The following COPG2 variants were observed in gnomAD, a reference collection of about 807,000 sequenced individuals.
COPG2 encodes coat protein complex I subunit gamma 2.
Under a neutral mutation model 46.3 loss-of-function variants are expected in COPG2, and 37 were observed. The observed-to-expected ratio is 0.80, with a 90% CI of 0.61 to 1.05. The LOEUF is 1.05. Among genes scored for constraint, COPG2 ranks in the 50% least tolerant of loss-of-function variants. The pLI is 0.00. For synonymous variants in COPG2, 159 were observed against 129.7 expected (o/e 1.23, Z -1.53); for missense variants, 427 against 387.8 (o/e 1.10, Z -0.85).
chr7:130,647,877 C>G (rs1443097923), intron 5 of COPG2, among the ~76,000 whole-genome samples: 1 of 151,808 alleles, frequency 6.6e-6, no homozygotes, highest in Non-Finnish European at 1.5e-5. Flanking sequence ...ACTACAGATG[C>G]CTGCCACCAC....
chr7:130,546,906 T>C (rs1793452706), intron 20 of COPG2: 2 of 152,224 alleles, frequency 1.3e-5, no homozygotes, highest in South Asian at 2.1e-4. Flanking sequence ...ATAAATGTGA[T>C]GTGTGTGCTT....
intron 17 of COPG2, among the ~76,000 whole-genome samples, chr7:130,550,110 T>G (rs1793512029): frequency 6.6e-6 from 1 of 151,888 alleles, no homozygotes; most frequent in Non-Finnish European, 1.5e-5. Context: ...ATCTAAAAGA[T>G]TTAGAAGGGG....
At chr7:130,582,241 T>A (rs1291136221) in intron 9 of COPG2, among the ~76,000 whole-genome samples, 1 of 149,366 alleles carries the variant, frequency 6.7e-6, no homozygotes, top group African/African-American at 2.5e-5. Flanking sequence ...AAACAAGAAA[T>A]GGGGAAAGGA....
At chr7:130,596,222 G>C (rs1554449651) in intron 9 of COPG2, among the ~76,000 whole-genome samples, 1 of 152,174 alleles carries the variant, frequency 6.6e-6, no homozygotes, top group Non-Finnish European at 1.5e-5. Context: ...CTAAGACACT[G>C]ACCTTGGTTG....
At chr7:130,664,562 C>G (rs1292644589) in intron 3 of COPG2, among the ~76,000 whole-genome samples, 1 of 152,152 alleles carries the variant, frequency 6.6e-6, no homozygotes, top group Non-Finnish European at 1.5e-5. Flanking sequence ...CTACCAAGTT[C>G]TAGGCAAAGA....
intron 16 of COPG2, 87 bp from the exon 17 acceptor site, chr7:130,550,736 C>T: frequency 2.6e-6 from 1 of 382,824 alleles, no homozygotes; most frequent in Non-Finnish European, 4.6e-6. Flanking sequence ...TTTATCTAAG[C>T]TTTCTGAAGG....
At chr7:130,540,976 TTC>T (rs1168656881) in intron 20 of COPG2, among the ~76,000 whole-genome samples, 7 of 152,276 alleles carry the variant, frequency 4.6e-5, no homozygotes, top group African/African-American at 1.7e-4. Context: ...CAAAAGATGC[TTC>T]TGATAGGCCG....
chr7:130,562,359 C>T (rs1427883836), intron 11 of COPG2, among the ~76,000 whole-genome samples: 3 of 151,298 alleles, frequency 2.0e-5, no homozygotes, highest in Admixed American at 6.6e-5. Flanking sequence ...ACTCTGTCTC[C>T]AAAAAAAATA....
chr7:130,522,351 A>T (rs1799730913), intron 20 of COPG2, among the ~76,000 whole-genome samples: 1 of 152,228 alleles, frequency 6.6e-6, no homozygotes, highest in Non-Finnish European at 1.5e-5. Flanking sequence ...TGGGGATAAG[A>T]GGAGTGGGGA....
intron 3 of COPG2, among the ~76,000 whole-genome samples, chr7:130,663,730 C>CTTTTTTTTT (rs71178602): frequency 3.0e-4 from 20 of 67,154 alleles, no homozygotes; most frequent in Non-Finnish European, 4.2e-4. Context: ...CATTTCTTTT[C>CTTTTTTTTT]TTTTTTTTTT....
chr7:130,668,745 G>A lies in COPG2; in HGVS notation c.-77C>T. 6.8e-7 allele frequency: 1 copy of A among 1,470,462 alleles called. No homozygotes were observed. Among genetic ancestry groups the A allele is most frequent in the African/African-American group, 1.5e-5 (1 of 68,062 alleles). The allele number at this position is 1,470,462 out of a possible 1,614,324, so 91.1% of individuals were successfully genotyped here. On this transcript the variant is annotated 5_prime_UTR_variant, in exon 1 of 24. Coordinates refer to ENST00000425248, the MANE Select transcript of COPG2 (RefSeq NM_012133.6). Reference sequence around the variant, plus strand: ...AGCCGGCGAGCGGAAGAGGCTGCAGGAAGGCCGGCCCCGCGCTCTCACGCC... The same window carrying A: ...AGCCGGCGAGCGGAAGAGGCTGCAGAAAGGCCGGCCCCGCGCTCTCACGCC...
intron 20 of COPG2, among the ~76,000 whole-genome samples, chr7:130,531,908 A>C (rs1799830098): frequency 6.6e-6 from 1 of 152,076 alleles, no homozygotes. Flanking sequence ...CAATCATCTG[A>C]GGGGTAAGCA....
chr7:130,656,009 ATGTGT>A (rs1795844828), intron 4 of COPG2, among the ~76,000 whole-genome samples: 1 of 152,148 alleles, frequency 6.6e-6, no homozygotes, highest in Non-Finnish European at 1.5e-5. Flanking sequence ...ATCCTTTGAA[ATGTGT>A]TGTGTCTTGC....
chr7:130,577,767 C>CAAAAAAAAAAAAAAAA (rs782674348), intron 9 of COPG2, among the ~76,000 whole-genome samples: 7 of 78,142 alleles, frequency 9.0e-5, no homozygotes, highest in African/African-American at 1.6e-4. Context: ...GACTCCGTCT[C>CAAAAAAAAAAAAAAAA]AAAAAAAAAA....
chr7:130,638,161 AC>A (rs1421708947), intron 5 of COPG2, among the ~76,000 whole-genome samples: 2 of 151,660 alleles, frequency 1.3e-5, no homozygotes, highest in African/African-American at 4.8e-5. Flanking sequence ...GTGTCTGTTG[AC>A]CCCTGCTGGG....
chr7:130,571,699 T>C (rs1554445552), intron 9 of COPG2, among the ~76,000 whole-genome samples: 1 of 152,164 alleles, frequency 6.6e-6, no homozygotes, highest in African/African-American at 2.4e-5. Flanking sequence ...ACTGGGTATC[T>C]ACCCAGAGGA....
chr7:130,558,077 G>A (rs1793660878), intron 12 of COPG2, among the ~76,000 whole-genome samples: 1 of 151,954 alleles, frequency 6.6e-6, no homozygotes, highest in Admixed American at 6.6e-5. Context: ...AATTACTGGG[G>A]CAAAGACGGT....
intron 20 of COPG2, among the ~76,000 whole-genome samples, chr7:130,519,655 G>T (rs1278730525): frequency 6.6e-6 from 1 of 152,200 alleles, no homozygotes; most frequent in African/African-American, 2.4e-5. Flanking sequence ...GACATTATTT[G>T]AATAGTCACA....
intron 9 of COPG2, chr7:130,603,025 T>G (rs1181588917): frequency 6.6e-6 from 1 of 152,200 alleles, no homozygotes; most frequent in Non-Finnish European, 1.5e-5. Context: ...TCAACTTTTC[T>G]ACCCCAAATA....
Sources: gnomAD v4.1 joint callset for allele counts (sites outside exome capture counted in the v4.1 genomes callset) on GRCh38, gnomAD v4.1.1 for gene constraint, MANE v1.5 for transcripts, NCBI Gene and HGNC (gene_info 2026-07-23, HGNC 2026-07-21) for gene names.